ZFP2: variants seen among roughly 807,000 people sequenced by gnomAD.
The protein encoded by ZFP2 is zinc finger protein ZFP2.
Under a neutral mutation model 36.1 loss-of-function variants are expected in ZFP2, and 33 were observed. The observed-to-expected ratio is 0.92, with a 90% CI of 0.69 to 1.22. The LOEUF is 1.22. ZFP2 is among the 50% of genes most tolerant of loss of function. ZFP2 has a pLI of 0.00. For synonymous variants in ZFP2, 170 were observed against 178.0 expected, an observed-to-expected ratio of 0.96 and a Z score of 0.36; for missense variants, 522 against 551.4, an observed-to-expected ratio of 0.95 and a Z score of 0.53.
At chr5:178,898,770 T>A (rs892621545) in intron 1 of ZFP2, among the ~76,000 whole-genome samples, 3 of 152,234 alleles carry the variant, frequency 2.0e-5, no homozygotes, top group Non-Finnish European at 4.4e-5. Flanking sequence ...AGCAGAATGC[T>A]GGATATTTTT....
chr5:178,909,980 G>C, intron 1 of ZFP2: 1 of 1,404,968 alleles, frequency 7.1e-7, no homozygotes, highest in Non-Finnish European at 1.0e-6. Context: ...AATTGTTCTG[G>C]GTAGAGACTA....
At chr5:178,907,263 CT>C in intron 1 of ZFP2, among the ~76,000 whole-genome samples, 1 of 152,132 alleles carries the variant, frequency 6.6e-6, no homozygotes, top group Middle Eastern at 3.4e-3. Context: ...GCAGCTCCCT[CT>C]TTTATGGCCA....
At chr5:178,896,323 G>A (rs1028659674) in intron 1 of ZFP2, among the ~76,000 whole-genome samples, 2 of 152,244 alleles carry the variant, frequency 1.3e-5, no homozygotes, top group Non-Finnish European at 2.9e-5. Context: ...AGGGGCCCAA[G>A]GTTCCAAGAG....
At chr5:178,909,569 G>T in intron 1 of ZFP2, 2 of 699,274 alleles carry the variant, frequency 2.9e-6, no homozygotes, top group Non-Finnish European at 4.1e-6. Flanking sequence ...CCCACGGCCT[G>T]GTGTTGAGTC....
rs553999200 is a variant in ZFP2, at chr5:178,931,829, T to C, written c.516T>C (p.Asn172=). The part of the protein sequence containing the change: ...ECGKAFSQSM[N]LTVHQRTHTG... The stretch of plus-strand genomic sequence containing the variant: ...GGAAAGCCTTTAGTCAGAGCATGAA[T>C]CTTACTGTCCATCAACGAACTCACA... The change falls in exon 5 of 5, where the codon AAT becomes AAC. Residue 172 remains asparagine (N), a synonymous_variant. Coordinates refer to ENST00000361362, the MANE Select transcript of ZFP2 (RefSeq NM_030613.4). 2 of 1,612,614 alleles carry C rather than the reference T, an allele frequency of 1.2e-6. No individual in the cohort carries two copies. Among genetic ancestry groups the C allele is most frequent in the South Asian group, 1.1e-5 (1 of 91,016 alleles).
chr5:178,900,784 G>A (rs1157784440), intron 1 of ZFP2, among the ~76,000 whole-genome samples: 2 of 90,436 alleles, frequency 2.2e-5, no homozygotes, highest in Non-Finnish European at 2.2e-5. Context: ...CAGTGTCCTC[G>A]TGCCACTTCT....
chr5:178,932,468 T>C lies in ZFP2; in HGVS notation c.1155T>C (p.Asn385=), dbSNP rs765850665. Residue 385 remains asparagine, a synonymous_variant, in exon 5 of 5, where the codon AAT becomes AAC. Transcript: ENST00000361362. ...IHTGEKPYEC[N]ECGKAFSQSA... is the part of the protein sequence containing the mutation. ...CTGGAGAGAAACCTTATGAGTGCAA[T>C]GAATGTGGAAAGGCATTCAGCCAGA... 12 of 1,613,984 alleles carry C rather than the reference T, an allele frequency of 7.4e-6. No homozygotes were observed. The highest frequency in any genetic ancestry group is 1.3e-5 in the African/African-American group (1 of 74,914).
chr5:178,916,440 G>A (rs1455940513), intron 3 of ZFP2, 125 bp from the exon 4 acceptor site: 2 of 459,832 alleles, frequency 4.3e-6, no homozygotes, highest in African/African-American at 4.2e-5. Context: ...GAAAAGACTT[G>A]AGTGTATCTG....
intron 1 of ZFP2, among the ~76,000 whole-genome samples, chr5:178,902,251 A>G (rs1417671918): frequency 1.3e-5 from 2 of 152,220 alleles, no homozygotes; most frequent in South Asian, 4.1e-4. Flanking sequence ...ACCATTTGAG[A>G]ATAAATTACA....
intron 4 of ZFP2, among the ~76,000 whole-genome samples, chr5:178,919,115 G>A (rs72816634): frequency 0.18 from 27,898 of 152,080 alleles, 2,723 homozygotes; most frequent in Non-Finnish European, 0.22. Context: ...TGTTATTAGA[G>A]AGAATTCTTC....
intron 1 of ZFP2, among the ~76,000 whole-genome samples, chr5:178,911,864 G>A (rs551041511): frequency 3.3e-5 from 5 of 152,156 alleles, no homozygotes; most frequent in South Asian, 4.2e-4. Flanking sequence ...GGCCGGACAC[G>A]GTGGCTCACT....
At chr5:178,903,885 G>A (rs1758111153) in intron 1 of ZFP2, among the ~76,000 whole-genome samples, 1 of 152,190 alleles carries the variant, frequency 6.6e-6, no homozygotes, top group African/African-American at 2.4e-5. Flanking sequence ...CAGCTACTGG[G>A]GAGGCTGAGG....
Position 178,922,482 on chromosome 5 carries a change from G to C in ZFP2, c.-78+5772G>C, listed in dbSNP as rs1407833196. 8 of 1,375,990 alleles carry C rather than the reference G, an allele frequency of 5.8e-6. No homozygotes were observed. In the East Asian group the frequency reaches 1.4e-4, roughly 23 times the overall value. The allele number at this position is 1,375,990 out of a possible 1,614,324, so 85.2% of individuals were successfully genotyped here. ...GGACCAAACCTCAAAGCATGGCTAAGAGTTTTCAGTAGAAATGGAGTTACA... is the reference window on the plus strand; with the variant it reads ...GGACCAAACCTCAAAGCATGGCTAACAGTTTTCAGTAGAAATGGAGTTACA... On this transcript the variant is annotated intron_variant, in intron 4 of 4. Coordinates refer to ENST00000361362, the MANE Select transcript of ZFP2 (RefSeq NM_030613.4).
intron 4 of ZFP2, among the ~76,000 whole-genome samples, chr5:178,927,602 T>G (rs979947496): frequency 2.0e-5 from 3 of 151,186 alleles, no homozygotes; most frequent in Non-Finnish European, 4.4e-5. Context: ...GTTCAAGTGA[T>G]TCTCCTGCCT....
At chr5:178,930,552 C>T (rs933747595) in intron 4 of ZFP2, among the ~76,000 whole-genome samples, 1 of 152,034 alleles carries the variant, frequency 6.6e-6, no homozygotes, top group African/African-American at 2.4e-5. Context: ...AACTCCTGAC[C>T]TCAAGTGATC....
At chr5:178,912,467 TTCCA>T (rs1758318889) in intron 1 of ZFP2, 113 bp from the exon 2 acceptor site, 1 of 162,378 alleles carries the variant, frequency 6.2e-6, no homozygotes. Context: ...AGACATTTTC[TTCCA>T]TCTGGAGGGC....
At position 178,932,854 on chromosome 5, in the gene ZFP2, T is replaced by C; in HGVS notation, c.*155T>C. ...AGATAATACCACTGCAGAGAATCCA[T>C]CTAAAAGTAGAGAAATCTTGATTCA... On this transcript the variant is annotated 3_prime_UTR_variant, in exon 5 of 5. Coordinates refer to ENST00000361362, the MANE Select transcript of ZFP2 (RefSeq NM_030613.4). The C allele has an allele frequency of 1.0e-6, 1 of 962,446 alleles. No individual in the cohort carries two copies. Among genetic ancestry groups the C allele is most frequent in the Non-Finnish European group, 1.5e-6 (1 of 680,916 alleles). The allele number at this position is 962,446 out of a possible 1,614,324, so 59.6% of individuals were successfully genotyped here. A position where few individuals can be genotyped will look rare whatever the true frequency, so the allele number is the denominator to read the frequency against.
chr5:178,913,895 C>T, intron 3 of ZFP2: 1 of 137,070 alleles, frequency 7.3e-6, no homozygotes, highest in South Asian at 2.3e-4. Context: ...CTCGCTGTGT[C>T]ACCCAGGCTG....
At chr5:178,907,328 T>C (rs547682219) in intron 1 of ZFP2, among the ~76,000 whole-genome samples, 22 of 151,578 alleles carry the variant, frequency 1.5e-4, no homozygotes, top group African/African-American at 5.3e-4. Flanking sequence ...TGTACACATA[T>C]ATATTTTATA....
Sources: allele counts gnomAD v4.1 joint callset (sites outside exome capture counted in the v4.1 genomes callset), GRCh38; gene constraint gnomAD v4.1.1; transcripts MANE v1.5; gene names NCBI Gene and HGNC (gene_info 2026-07-23, HGNC 2026-07-21).